The following PTPRD variants were observed in gnomAD, a reference collection of about 807,000 sequenced individuals.
PTPRD encodes receptor-type tyrosine-protein phosphatase delta.
Under a neutral mutation model 214.5 loss-of-function variants are expected in PTPRD, and 34 were observed. The observed-to-expected ratio is 0.16, with a 90% CI of 0.12 to 0.21. PTPRD has a LOEUF of 0.21. Among genes scored for constraint, PTPRD ranks in the 10% least tolerant of loss-of-function variants. The probability of loss-of-function intolerance (pLI) is 1.00; values close to 1 mark genes in which losing one functional copy is unlikely to be tolerated. For synonymous variants in PTPRD, 1,128 were observed against 845.7 expected, an observed-to-expected ratio of 1.33 and a Z score of -5.79; for missense variants, 2,545 against 2,398.7, an observed-to-expected ratio of 1.06 and a Z score of -1.27.
intron 5 of PTPRD, among the ~76,000 whole-genome samples, chr9:9,935,334 G>A (rs7044763): frequency 2.0e-5 from 3 of 151,368 alleles, no homozygotes; most frequent in South Asian, 2.1e-4. Context: ...CCCCATCATC[G>A]TCTCAGCCCA....
chr9:9,920,866 G>A (rs890652075), intron 5 of PTPRD, among the ~76,000 whole-genome samples: 4 of 152,110 alleles, frequency 2.6e-5, no homozygotes, highest in African/African-American at 9.7e-5. Context: ...TATCATGGGA[G>A]CCTATAACGC....
chr9:10,347,382 G>A (rs1425253898), intron 2 of PTPRD, among the ~76,000 whole-genome samples: 2 of 151,448 alleles, frequency 1.3e-5, no homozygotes, highest in East Asian at 1.9e-4. Context: ...TTGTAAAGAT[G>A]GAATGTCCAT....
intron 11 of PTPRD, among the ~76,000 whole-genome samples, chr9:8,803,059 AAATTAAAT>A (rs1176607517): frequency 2.0e-5 from 3 of 152,104 alleles, no homozygotes; most frequent in Middle Eastern, 3.2e-3. Context: ...CTCAGCTCTG[AAATTAAAT>A]AATTAAATAA....
intron 5 of PTPRD, among the ~76,000 whole-genome samples, chr9:9,905,162 T>G (rs888629300): frequency 6.6e-6 from 1 of 152,024 alleles, no homozygotes; most frequent in Non-Finnish European, 1.5e-5. Flanking sequence ...GACATTTTTT[T>G]TCAAAGTTCT....
intron 4 of PTPRD, among the ~76,000 whole-genome samples, chr9:9,944,978 G>C (rs1173407355): frequency 6.7e-6 from 1 of 149,002 alleles, no homozygotes; most frequent in Non-Finnish European, 1.5e-5. Flanking sequence ...AGATGAATAT[G>C]ACCAGACAAG....
intron 11 of PTPRD, among the ~76,000 whole-genome samples, chr9:8,761,422 T>A (rs1185334807): frequency 6.6e-6 from 1 of 152,200 alleles, no homozygotes; most frequent in African/African-American, 2.4e-5. Flanking sequence ...GTGTGCTTTT[T>A]TTCCTAAAGT....
rs543394464 is a variant in PTPRD, at chr9:10,252,521, C to A, written c.-545+88442G>T. On this transcript the variant is annotated intron_variant, in intron 3 of 45. Coordinates refer to ENST00000381196, the MANE Select transcript of PTPRD (RefSeq NM_002839.4). ...ATGAGAAACCCTGAGGGAAAGCCAC[C>A]GAGCCCAACCCAGTCACTCCCAGAG... Among the ~76,000 whole-genome samples, 3 of 152,086 alleles carry A rather than the reference C, an allele frequency of 2.0e-5. No individual in the cohort carries two copies. In the East Asian group the frequency reaches 5.8e-4, roughly 29 times the overall value.
At chr9:10,409,933 T>C (rs1195358137) in intron 2 of PTPRD, among the ~76,000 whole-genome samples, 1 of 151,668 alleles carries the variant, frequency 6.6e-6, no homozygotes, top group East Asian at 2.0e-4. Flanking sequence ...ACATCTTGAC[T>C]ACAACCTCAC....
intron 2 of PTPRD, among the ~76,000 whole-genome samples, chr9:10,450,245 A>T (rs1181686352): frequency 6.9e-6 from 1 of 145,206 alleles, no homozygotes; most frequent in Admixed American, 6.8e-5. Flanking sequence ...AATAAATACT[A>T]AAAAAAATAA....
chr9:9,345,021 C>T (rs1425349583), intron 9 of PTPRD, among the ~76,000 whole-genome samples: 1 of 151,954 alleles, frequency 6.6e-6, no homozygotes, highest in Non-Finnish European at 1.5e-5. Flanking sequence ...CCCTAGAAGT[C>T]ATATATTTGA....
At chr9:8,427,922 T>C (rs998484117) in intron 35 of PTPRD, among the ~76,000 whole-genome samples, 3 of 152,066 alleles carry the variant, frequency 2.0e-5, no homozygotes, top group African/African-American at 7.2e-5. Context: ...CTAGATGAGA[T>C]AAAATAAGTA....
chr9:8,680,082 A>T (rs1306557131), intron 12 of PTPRD, among the ~76,000 whole-genome samples: 1 of 152,124 alleles, frequency 6.6e-6, no homozygotes, highest in Non-Finnish European at 1.5e-5. Flanking sequence ...AGATACTATG[A>T]TTCTTTTGTT....
chr9:10,277,880 C>T (rs1030176433), intron 3 of PTPRD, among the ~76,000 whole-genome samples: 4 of 151,998 alleles, frequency 2.6e-5, no homozygotes, highest in Non-Finnish European at 5.9e-5. Context: ...GCTTTGAGGC[C>T]GGGCTCGGTG....
intron 5 of PTPRD, among the ~76,000 whole-genome samples, chr9:9,890,938 A>G (rs7868787): frequency 0.03 from 4,619 of 152,216 alleles, 206 homozygotes; most frequent in African/African-American, 0.099. Context: ...AATTACATTG[A>G]ATTTGAGTTC....
At chr9:9,880,045 G>A (rs1475653202) in intron 5 of PTPRD, among the ~76,000 whole-genome samples, 2 of 152,020 alleles carry the variant, frequency 1.3e-5, no homozygotes, top group Non-Finnish European at 2.9e-5. Flanking sequence ...CACATGTCGA[G>A]GGGGGGACCT....
At chr9:8,647,403 A>T (rs1018770013) in intron 12 of PTPRD, among the ~76,000 whole-genome samples, 1 of 152,234 alleles carries the variant, frequency 6.6e-6, no homozygotes, top group Non-Finnish European at 1.5e-5. Flanking sequence ...TTTTTTAACA[A>T]GAAAGAGGTT....
intron 7 of PTPRD, among the ~76,000 whole-genome samples, chr9:9,704,863 AGAGATATCTGTT>A (rs2097570037): frequency 6.6e-6 from 1 of 152,200 alleles, no homozygotes; most frequent in African/African-American, 2.4e-5. Context: ...AAAACCATCA[AGAGATATCTGTT>A]GATGCCACAT....
chr9:9,306,775 A>C (rs1957289442), intron 9 of PTPRD, among the ~76,000 whole-genome samples: 1 of 152,104 alleles, frequency 6.6e-6, no homozygotes, highest in South Asian at 2.1e-4. Flanking sequence ...CCAAATTTCT[A>C]ACTTTGTTAG....
chr9:9,188,643 G>A (rs2099933168), intron 9 of PTPRD, among the ~76,000 whole-genome samples: 1 of 152,052 alleles, frequency 6.6e-6, no homozygotes, highest in Non-Finnish European at 1.5e-5. Context: ...GTAGAAGAAT[G>A]ATGGTTGTGC....
Sources: gnomAD v4.1 joint callset for allele counts (sites outside exome capture counted in the v4.1 genomes callset) on GRCh38, gnomAD v4.1.1 for gene constraint, MANE v1.5 for transcripts, NCBI Gene and HGNC (gene_info 2026-07-23, HGNC 2026-07-21) for gene names.